Variants in FIG4 observed in about 807,000 individuals in gnomAD.
FIG4 encodes the protein FIG4 phosphoinositide 5-phosphatase.
In FIG4, 112 loss-of-function variants were observed where a neutral mutation model predicts 118.6. The ratio of observed to expected loss-of-function variants is 0.94; its 90% CI spans 0.81 to 1.11. FIG4 has a LOEUF of 1.11. FIG4 is among the 50% of genes least tolerant of loss of function. The pLI is 0.00. For missense variants in FIG4, 969 were observed against 1,111.7 expected (o/e 0.87, Z 1.83); for synonymous variants, 369 against 381.2 (o/e 0.97, Z 0.37).
chr6:109,702,025 G>A (rs759136776), intron 1 of FIG4, among the ~76,000 whole-genome samples: 1 of 152,154 alleles, frequency 6.6e-6, no homozygotes, highest in Admixed American at 6.5e-5. Flanking sequence ...CCCAATTACT[G>A]GGATTACTGG....
chr6:109,825,391 A>G lies in FIG4; in HGVS notation c.*126A>G. The G allele has an allele frequency of 3.7e-6, 3 of 802,224 alleles. No individual in the cohort carries two copies. Among genetic ancestry groups the G allele is most frequent in the Non-Finnish European group, 6.2e-6 (3 of 480,904 alleles). 49.7% of individuals were successfully genotyped at this position (802,224 alleles called of 1,614,324 possible). A position where few individuals can be genotyped will look rare whatever the true frequency, so the allele number is the denominator to read the frequency against. ...CCTTTCTCCTTTTCTGTCACTTGCA[A>G]ATTCCAAATTATAGCTAATAAAGAT... On this transcript the variant is annotated 3_prime_UTR_variant, in exon 23 of 23. Coordinates refer to ENST00000230124, the MANE Select transcript of FIG4 (RefSeq NM_014845.6).
chr6:109,739,732 C>G (rs1246530918), intron 7 of FIG4, among the ~76,000 whole-genome samples: 1 of 151,980 alleles, frequency 6.6e-6, no homozygotes, highest in Non-Finnish European at 1.5e-5. Flanking sequence ...AGTTACAGAT[C>G]TATATTAAAA....
At chr6:109,713,855 G>T (rs1391763662) in intron 1 of FIG4, among the ~76,000 whole-genome samples, 1 of 152,220 alleles carries the variant, frequency 6.6e-6, no homozygotes, top group Admixed American at 6.5e-5. Flanking sequence ...GACACCTAAG[G>T]CTTCCCTGCA....
intron 2 of FIG4, 83 bp from the exon 3 acceptor site, chr6:109,716,362 G>T (rs1775430034): frequency 2.1e-6 from 3 of 1,420,542 alleles, no homozygotes; most frequent in South Asian, 2.3e-5. Context: ...ATGCTTGTAG[G>T]TAACTTTTTA....
intron 3 of FIG4, among the ~76,000 whole-genome samples, chr6:109,724,280 GGGATT>G (rs1775715892): frequency 6.6e-6 from 1 of 152,042 alleles, no homozygotes; most frequent in African/African-American, 2.4e-5. Context: ...TCTCCCCCCT[GGGATT>G]CCATTAACTA....
chr6:109,721,320 C>T (rs537237808), intron 3 of FIG4, among the ~76,000 whole-genome samples: 3 of 152,036 alleles, frequency 2.0e-5, no homozygotes, highest in East Asian at 3.9e-4. Flanking sequence ...GGGTACCTTG[C>T]GGGGGGTTTT....
intron 21 of FIG4, among the ~76,000 whole-genome samples, chr6:109,795,769 T>A (rs34735897): frequency 0.09 from 13,700 of 151,872 alleles, 1,333 homozygotes; most frequent in African/African-American, 0.24. Context: ...GCCCAGCTAA[T>A]TTTTTGTGTT....
intron 11 of FIG4, among the ~76,000 whole-genome samples, 195 bp from the exon 12 acceptor site, chr6:109,761,896 A>G (rs1265099403): frequency 6.6e-6 from 1 of 152,230 alleles, no homozygotes; most frequent in Non-Finnish European, 1.5e-5. Flanking sequence ...TCTCTTTCAC[A>G]TCAAATGTTG....
At chr6:109,750,163 C>A (rs1776646130) in intron 10 of FIG4, among the ~76,000 whole-genome samples, 1 of 152,228 alleles carries the variant, frequency 6.6e-6, no homozygotes, top group African/African-American at 2.4e-5. Context: ...GTGTTGCGAA[C>A]TTCTTCCCAG....
chr6:109,760,318 C>A lies in FIG4; in HGVS notation c.1206C>A (p.Asn402Lys). The part of the protein sequence containing the change: ...EELVAAVTYL[N>K]QFLPPEHTIV... ...TTGTTGCTGCTGTGACCTATCTCAACCAATTTTTGCCTCCTGAGCACACTA... is the reference window on the plus strand; with the variant it reads ...TTGTTGCTGCTGTGACCTATCTCAAACAATTTTTGCCTCCTGAGCACACTA... The change falls in exon 11 of 23, where the codon AAC becomes AAA. Residue 402 changes from asparagine to lysine, a missense_variant. By Grantham distance (94) the Asn-to-Lys change is moderately conservative. Transcript: ENST00000230124. 4 of 1,612,936 alleles carry A rather than the reference C, an allele frequency of 2.5e-6. No individual in the cohort carries two copies. Among genetic ancestry groups the A allele is most frequent in the Non-Finnish European group, 3.4e-6 (4 of 1,178,960 alleles).
At chr6:109,725,348 G>A (rs148216407) in intron 3 of FIG4, among the ~76,000 whole-genome samples, 69 of 152,214 alleles carry the variant, frequency 4.5e-4, no homozygotes, top group Middle Eastern at 3.4e-3. Flanking sequence ...GTGAGAACAT[G>A]CGGTATTTGG....
At chr6:109,822,127 A>AG (rs1562702499) in intron 22 of FIG4, among the ~76,000 whole-genome samples, 2 of 152,238 alleles carry the variant, frequency 1.3e-5, no homozygotes, top group African/African-American at 4.8e-5. Context: ...TATAGAATCT[A>AG]GGGGTGCACA....
chr6:109,692,990 A>G (rs769308828), intron 1 of FIG4, among the ~76,000 whole-genome samples: 18 of 152,210 alleles, frequency 1.2e-4, no homozygotes, highest in Non-Finnish European at 2.4e-4. Context: ...GGCCGTAAAT[A>G]AAACACAAAT....
At chr6:109,717,714 G>T (rs1404796812) in intron 3 of FIG4, among the ~76,000 whole-genome samples, 1 of 152,140 alleles carries the variant, frequency 6.6e-6, no homozygotes, top group Non-Finnish European at 1.5e-5. Flanking sequence ...CTCCAGTAAG[G>T]GTGACAGCAG....
intron 1 of FIG4, among the ~76,000 whole-genome samples, chr6:109,694,178 A>C (rs1774637571): frequency 6.6e-6 from 1 of 152,218 alleles, no homozygotes; most frequent in Non-Finnish European, 1.5e-5. Flanking sequence ...GCAGTTACTT[A>C]ACCCATTTAT....
intron 22 of FIG4, among the ~76,000 whole-genome samples, chr6:109,816,402 C>T (rs1778863551): frequency 1.3e-5 from 2 of 152,184 alleles, no homozygotes; most frequent in Non-Finnish European, 2.9e-5. Flanking sequence ...ACTCACTGCC[C>T]AGAGGAGCCT....
intron 4 of FIG4, among the ~76,000 whole-genome samples, chr6:109,728,290 G>T (rs1049731319): frequency 9.2e-5 from 14 of 152,138 alleles, no homozygotes; most frequent in Admixed American, 2.6e-4. Context: ...CAGAAGAAGG[G>T]CATAGTGGTG....
chr6:109,763,132 C>T (rs567344969), intron 12 of FIG4, among the ~76,000 whole-genome samples: 1 of 152,178 alleles, frequency 6.6e-6, no homozygotes, highest in Non-Finnish European at 1.5e-5. Flanking sequence ...GCAGCCTCTG[C>T]CTGACATATA....
chr6:109,817,467 C>T (rs1203521405), intron 22 of FIG4, among the ~76,000 whole-genome samples: 1 of 151,964 alleles, frequency 6.6e-6, no homozygotes, highest in Non-Finnish European at 1.5e-5. Flanking sequence ...AGCATTTTAC[C>T]TATTTCAGGT....
Sources: gnomAD v4.1 joint callset for allele counts (sites outside exome capture counted in the v4.1 genomes callset) on GRCh38, gnomAD v4.1.1 for gene constraint, MANE v1.5 for transcripts, NCBI Gene and HGNC (gene_info 2026-07-23, HGNC 2026-07-21) for gene names.